The following PHACTR3 variants were observed in gnomAD, a reference collection of about 807,000 sequenced individuals.
PHACTR3 encodes phosphatase and actin regulator 3, also known as protein phosphatase 1, regulatory subunit 123.
Under a neutral mutation model 66.8 loss-of-function variants are expected in PHACTR3, and 16 were observed. The observed-to-expected ratio is 0.24, with a 90% CI of 0.16 to 0.36. The LOEUF (loss-of-function observed/expected upper bound fraction) is 0.36, where lower values mean the gene tolerates loss of function less well. PHACTR3 is among the 10% of genes least tolerant of loss of function. The pLI is 1.00. For synonymous variants in PHACTR3, 323 were observed against 292.1 expected, an observed-to-expected ratio of 1.11 and a Z score of -1.08; for missense variants, 647 against 719.9, an observed-to-expected ratio of 0.90 and a Z score of 1.16.
chr20:59,826,939 C>T lies in PHACTR3; in HGVS notation c.1329-9566C>T, dbSNP rs185178278. ...CGAGTTTGGTCCTGAAAGTCAAGGG[C>T]CTGGTTTTCCTCCGGAGGATTTGAA... On this transcript the variant is annotated intron_variant, in intron 8 of 12. Coordinates refer to ENST00000371015, the MANE Select transcript of PHACTR3 (RefSeq NM_080672.5). Among the ~76,000 whole-genome samples, 311 of 152,258 alleles carry T rather than the reference C, an allele frequency of 2.0e-3. 1 individual carries two copies. Among genetic ancestry groups the T allele is most frequent in the South Asian group, 3.3e-3 (16 of 4,816 alleles).
intron 1 of PHACTR3, among the ~76,000 whole-genome samples, chr20:59,685,753 T>TG (rs1445286030): frequency 6.6e-6 from 1 of 152,212 alleles, no homozygotes; most frequent in African/African-American, 2.4e-5. Flanking sequence ...GAATGTCACT[T>TG]GCTGAGAGCA....
At chr20:59,756,896 A>C (rs1410712607) in intron 4 of PHACTR3, among the ~76,000 whole-genome samples, 1 of 152,192 alleles carries the variant, frequency 6.6e-6, no homozygotes, top group African/African-American at 2.4e-5. Context: ...CTTTGCAGCA[A>C]AAGAAACTCC....
At chr20:59,843,005 T>C in intron 11 of PHACTR3, among the ~76,000 whole-genome samples, 1 of 152,068 alleles carries the variant, frequency 6.6e-6, no homozygotes, top group East Asian at 1.9e-4. Flanking sequence ...AAAACTTAGA[T>C]CTGATAAATT....
chr20:59,843,962 TCAA>T (rs1453832800), intron 11 of PHACTR3: 7 of 151,830 alleles, frequency 4.6e-5, no homozygotes, highest in Non-Finnish European at 1.0e-4. Context: ...TACAAGGAAC[TCAA>T]CAGTCAAAAA....
chr20:59,711,972 A>G (rs1197332725), intron 1 of PHACTR3, among the ~76,000 whole-genome samples: 4 of 152,256 alleles, frequency 2.6e-5, no homozygotes, highest in Non-Finnish European at 5.9e-5. Flanking sequence ...AGAGGTCTTT[A>G]TATATTAAGG....
rs1299848730 is a variant in PHACTR3 at position 59,829,684 on chromosome 20, G to C, written c.1329-6821G>C. 6.6e-6 allele frequency among the ~76,000 whole-genome samples: 1 copy of C among 152,250 alleles called. No individual in the cohort carries two copies. The highest frequency in any genetic ancestry group is 1.5e-5 in the Non-Finnish European group (1 of 68,054). On this transcript the variant is annotated intron_variant, in intron 8 of 12. Coordinates refer to ENST00000371015, the MANE Select transcript of PHACTR3 (RefSeq NM_080672.5). This position sits in a 1 kb window ranked among gnomAD's most constrained non-coding sequence, Gnocchi z 4.2. ...TCAAGGCGGCTGTGGGGCAGGATTGGCATTCCCAGAAAGGAGCCTCCCAAA... is the reference window on the plus strand; with the variant it reads ...TCAAGGCGGCTGTGGGGCAGGATTGCCATTCCCAGAAAGGAGCCTCCCAAA...
At chr20:59,793,534 T>C (rs2041164151) in intron 7 of PHACTR3, among the ~76,000 whole-genome samples, 1 of 152,224 alleles carries the variant, frequency 6.6e-6, no homozygotes, top group African/African-American at 2.4e-5. Flanking sequence ...TACTTTTTTG[T>C]AGCTATTGTG....
intron 7 of PHACTR3, among the ~76,000 whole-genome samples, chr20:59,780,579 C>G (rs2040689687): frequency 6.6e-6 from 1 of 152,164 alleles, no homozygotes; most frequent in Non-Finnish European, 1.5e-5. Context: ...TTCCAAGACC[C>G]TACCCCCCGA....
chr20:59,681,968 C>T (rs1322122735), intron 1 of PHACTR3, among the ~76,000 whole-genome samples: 1 of 151,040 alleles, frequency 6.6e-6, no homozygotes, highest in Non-Finnish European at 1.5e-5. Flanking sequence ...AGAGATCGTG[C>T]CATTGCACCC....
At chr20:59,782,932 T>C (rs1464217346) in intron 7 of PHACTR3, among the ~76,000 whole-genome samples, 1 of 152,244 alleles carries the variant, frequency 6.6e-6, no homozygotes, top group Non-Finnish European at 1.5e-5. Flanking sequence ...TTCCTGGTAC[T>C]GTCTAAATGT....
rs2039136344 is a variant in PHACTR3 at position 59,740,939 on chromosome 20, C to CA, written c.119-2167dup. On this transcript the variant is annotated intron_variant, in intron 1 of 12. Coordinates refer to ENST00000371015, the MANE Select transcript of PHACTR3 (RefSeq NM_080672.5). ...CCGTCCTGGGCCTCCTTGGGGCAGCCAGTGGCATGCATGGGTGCCTTAGGT... is the reference window on the plus strand; with the variant it reads ...CCGTCCTGGGCCTCCTTGGGGCAGCCAAGTGGCATGCATGGGTGCCTTAGGT... 4.6e-5 allele frequency among the ~76,000 whole-genome samples: 7 copies of CA among 152,354 alleles called. No individual in the cohort carries two copies. The South Asian group carries it at 1.4e-3, about 32-fold the overall frequency.
intron 1 of PHACTR3, among the ~76,000 whole-genome samples, chr20:59,647,488 G>T (rs1323757867): frequency 6.6e-6 from 1 of 152,150 alleles, no homozygotes; most frequent in Admixed American, 6.5e-5. Flanking sequence ...AGGGCAGCAG[G>T]TGGCAGCCAG....
chr20:59,710,731 C>T (rs909925423), intron 1 of PHACTR3, among the ~76,000 whole-genome samples: 11 of 151,048 alleles, frequency 7.3e-5, no homozygotes, highest in Admixed American at 1.3e-4. Context: ...TCCAGGCCTC[C>T]TCCTCCTTTT....
intron 4 of PHACTR3, among the ~76,000 whole-genome samples, chr20:59,764,384 G>A (rs578052785): frequency 2.0e-5 from 3 of 152,264 alleles, no homozygotes; most frequent in East Asian, 1.9e-4. Flanking sequence ...TGGTTCAGAC[G>A]CTGGCCACAT....
intron 3 of PHACTR3, among the ~76,000 whole-genome samples, chr20:59,751,066 C>T (rs1162859825): frequency 1.3e-5 from 2 of 152,350 alleles, no homozygotes; most frequent in South Asian, 2.1e-4. Context: ...CTGCCCTCTC[C>T]GGCTCAGGGG....
chr20:59,676,374 C>A (rs534030918), intron 1 of PHACTR3, among the ~76,000 whole-genome samples: 1 of 152,218 alleles, frequency 6.6e-6, no homozygotes, highest in African/African-American at 2.4e-5. Flanking sequence ...GGGCGCCTGG[C>A]CCTGAGCAGA....
At chr20:59,836,447 G>A (rs769733392) in intron 8 of PHACTR3, 58 bp from the exon 9 acceptor site, 3 of 1,555,896 alleles carry the variant, frequency 1.9e-6, no homozygotes, top group South Asian at 2.3e-5. Flanking sequence ...GCAGACCCCA[G>A]GTGGAATTTG....
intron 1 of PHACTR3, among the ~76,000 whole-genome samples, chr20:59,651,972 A>G (rs1397190357): frequency 6.6e-6 from 1 of 152,204 alleles, no homozygotes; most frequent in African/African-American, 2.4e-5. Flanking sequence ...GAGAAGTTCT[A>G]CAATCTGCTG....
At chr20:59,704,306 G>A (rs989397069) in intron 1 of PHACTR3, among the ~76,000 whole-genome samples, 14 of 152,094 alleles carry the variant, frequency 9.2e-5, no homozygotes, top group African/African-American at 3.1e-4. Flanking sequence ...ATGTTTTCAT[G>A]TTCAGAAGTT....
Sources: gnomAD v4.1 joint callset for allele counts (sites outside exome capture counted in the v4.1 genomes callset) on GRCh38, gnomAD v4.1.1 for gene constraint, Gnocchi (gnomAD v3.1) non-coding constraint, MANE v1.5 for transcripts, NCBI Gene and HGNC (gene_info 2026-07-23, HGNC 2026-07-21) for gene names.